Variants in NDUFV2 observed in about 807,000 individuals in gnomAD.
NDUFV2 encodes the protein NADH:ubiquinone oxidoreductase core subunit V2.
NDUFV2 carries 18 observed loss-of-function variants against 31.6 expected under a neutral mutation model. That is an observed-to-expected ratio of 0.57 (90% confidence interval 0.39 to 0.84). The LOEUF is 0.84. NDUFV2 is among the 40% of genes least tolerant of loss of function. The pLI is 0.00. For synonymous variants in NDUFV2, 83 were observed against 99.8 expected (o/e 0.83, Z 1.01); for missense variants, 314 against 303.6 (o/e 1.03, Z -0.26).
intron 1 of NDUFV2, among the ~76,000 whole-genome samples, chr18:9,110,733 C>G (rs2077865917): frequency 6.6e-6 from 1 of 152,140 alleles, no homozygotes; most frequent in South Asian, 2.1e-4. Flanking sequence ...ATATCAAACC[C>G]CTGGCTTCAA....
intron 1 of NDUFV2, among the ~76,000 whole-genome samples, chr18:9,112,120 G>A (rs774914154): frequency 8.8e-5 from 13 of 148,480 alleles, no homozygotes; most frequent in Non-Finnish European, 1.6e-4. Context: ...CTGGGTTCAA[G>A]CAATTCTCCT....
At chr18:9,133,314 G>C (rs2078056784) in intron 7 of NDUFV2, 2 of 152,356 alleles carry the variant, frequency 1.3e-5, no homozygotes, top group South Asian at 4.1e-4. Context: ...AGGGAATAGT[G>C]GTGGAGGGGT....
intron 7 of NDUFV2, among the ~76,000 whole-genome samples, chr18:9,133,885 T>C (rs556948012): frequency 7.9e-5 from 12 of 152,244 alleles, no homozygotes; most frequent in Non-Finnish European, 1.8e-4. Context: ...CCAGTATCAC[T>C]TGTCTTGTGG....
chr18:9,114,245 G>A (rs927559112), intron 1 of NDUFV2, among the ~76,000 whole-genome samples: 2 of 151,996 alleles, frequency 1.3e-5, no homozygotes, highest in African/African-American at 4.8e-5. Flanking sequence ...AGAAGTAGAT[G>A]GTTTTTTAAC....
At chr18:9,104,159 A>G in intron 1 of NDUFV2, 1 of 1,612,836 alleles carries the variant, frequency 6.2e-7, no homozygotes, top group Non-Finnish European at 8.5e-7. Context: ...GGTGGAAAGG[A>G]CAACTTAAAG....
At chr18:9,122,934 TA>T (rs1383141557) in intron 5 of NDUFV2, among the ~76,000 whole-genome samples, 3 of 152,240 alleles carry the variant, frequency 2.0e-5, no homozygotes, top group African/African-American at 4.8e-5. Flanking sequence ...GTAGAAGTTA[TA>T]AAATATTCGT....
At chr18:9,105,574 A>G (rs1270890580) in intron 1 of NDUFV2, among the ~76,000 whole-genome samples, 2 of 152,204 alleles carry the variant, frequency 1.3e-5, no homozygotes, top group African/African-American at 4.8e-5. Flanking sequence ...CTGCTATTGT[A>G]GTTTCGAAGG....
intron 5 of NDUFV2, among the ~76,000 whole-genome samples, chr18:9,123,401 A>G (rs2077957086): frequency 6.6e-6 from 1 of 152,148 alleles, no homozygotes; most frequent in Non-Finnish European, 1.5e-5. Context: ...TAATTATTAA[A>G]TATATAAATG....
At chr18:9,123,983 T>C (rs935219106) in intron 5 of NDUFV2, among the ~76,000 whole-genome samples, 4 of 152,200 alleles carry the variant, frequency 2.6e-5, no homozygotes, top group African/African-American at 9.7e-5. Context: ...TCTTTGACGT[T>C]AGGAGTTTTC....
chr18:9,106,089 C>G (rs1043274157), intron 1 of NDUFV2, among the ~76,000 whole-genome samples: 5 of 152,188 alleles, frequency 3.3e-5, no homozygotes, highest in African/African-American at 1.2e-4. Flanking sequence ...TGGTTCCGTT[C>G]TTTTAGCTAG....
At chr18:9,132,895 A>G (rs939649662) in intron 7 of NDUFV2, among the ~76,000 whole-genome samples, 19 of 152,204 alleles carry the variant, frequency 1.2e-4, no homozygotes, top group African/African-American at 4.6e-4. Flanking sequence ...AATAAATTTA[A>G]AAATTGCAAA....
chr18:9,117,084 T>C (rs1044677347), intron 1 of NDUFV2, among the ~76,000 whole-genome samples: 2 of 151,734 alleles, frequency 1.3e-5, no homozygotes, highest in African/African-American at 4.8e-5. Flanking sequence ...CTGCTCAGGC[T>C]GGAGTGCGGT....
chr18:9,116,663 CCATGTAAACTTATTTATTAATATTT>C (rs1419052875), intron 1 of NDUFV2, among the ~76,000 whole-genome samples: 1 of 152,186 alleles, frequency 6.6e-6, no homozygotes, highest in African/African-American at 2.4e-5. Flanking sequence ...AGCAGATGTT[CCATGTAAACTTATTTATTAATATTT>C]CTTCAACTGA....
At chr18:9,124,661 G>A (rs1046869592) in intron 5 of NDUFV2, among the ~76,000 whole-genome samples, 1 of 151,066 alleles carries the variant, frequency 6.6e-6, no homozygotes, top group Non-Finnish European at 1.5e-5. Flanking sequence ...TGTTAGCCAG[G>A]ATGGTCTAGA....
At position 9,102,704 on chromosome 18, in the gene NDUFV2, C is replaced by G; in HGVS notation, c.-40C>G. 6.4e-7 allele frequency: 1 copy of G among 1,565,392 alleles called. No homozygotes were observed. The highest frequency in any genetic ancestry group is 1.2e-5 in the South Asian group (1 of 85,026). On this transcript the variant is annotated 5_prime_UTR_variant, in exon 1 of 8. Transcript: ENST00000318388. ...GCGCCCTGGGCGCGCTCGGGATTCTCGCCTGGCGCGGCTGGGGAAGGTGAA... is the reference window on the plus strand; with the variant it reads ...GCGCCCTGGGCGCGCTCGGGATTCTGGCCTGGCGCGGCTGGGGAAGGTGAA...
intron 7 of NDUFV2, among the ~76,000 whole-genome samples, chr18:9,127,557 C>T (rs1328342210): frequency 6.6e-6 from 1 of 152,182 alleles, no homozygotes; most frequent in Non-Finnish European, 1.5e-5. Context: ...GTGCAAGCTC[C>T]ACCTCCCAGG....
intron 1 of NDUFV2, chr18:9,104,127 C>T (rs2077829020): frequency 2.5e-6 from 4 of 1,611,364 alleles, no homozygotes; most frequent in Non-Finnish European, 3.4e-6. Context: ...ACAGATTGGG[C>T]ATGGGGTCCG....
At chr18:9,111,414 T>C (rs2077869144) in intron 1 of NDUFV2, among the ~76,000 whole-genome samples, 2 of 152,174 alleles carry the variant, frequency 1.3e-5, no homozygotes, top group Non-Finnish European at 2.9e-5. Context: ...TATTAAGCAC[T>C]TTACATGAAG....
At chr18:9,116,684 T>A (rs2144738530) in intron 1 of NDUFV2, among the ~76,000 whole-genome samples, 1 of 152,388 alleles carries the variant, frequency 6.6e-6, no homozygotes, top group South Asian at 2.1e-4. Context: ...TATTTATTAA[T>A]ATTTCTTCAA....
Sources: allele counts gnomAD v4.1 joint callset (sites outside exome capture counted in the v4.1 genomes callset), GRCh38; gene constraint gnomAD v4.1.1; transcripts MANE v1.5; gene names NCBI Gene and HGNC (gene_info 2026-07-23, HGNC 2026-07-21).